The following ADGRB2 variants were observed in gnomAD, a reference collection of about 807,000 sequenced individuals.
ADGRB2 encodes the protein brain-specific angiogenesis inhibitor 2.
ADGRB2 carries 47 observed loss-of-function variants against 178.7 expected under a neutral mutation model. The observed-to-expected ratio is 0.26, with a 90% CI of 0.21 to 0.34. The LOEUF is 0.34. Ranked by LOEUF, ADGRB2 falls within the 10% of genes least tolerant of loss-of-function variation. The pLI is 1.00. For synonymous variants in ADGRB2, 870 were observed against 912.4 expected (o/e 0.95, Z 0.84); for missense variants, 1,584 against 2,180.8 (o/e 0.73, Z 5.45).
intron 27 of ADGRB2, 40 bp downstream of exon 27, chr1:31,732,476 GC>G: frequency 6.2e-7 from 1 of 1,601,496 alleles, no homozygotes; most frequent in African/African-American, 1.3e-5. Context: ...GGTGGGGGGT[GC>G]CCAGAATCTG....
intron 14 of ADGRB2, 24 bp from the exon 15 acceptor site, chr1:31,739,659 G>A: frequency 6.4e-7 from 1 of 1,552,704 alleles, no homozygotes; most frequent in Non-Finnish European, 8.7e-7. Flanking sequence ...AGGGTGGACA[G>A]AGACAGACAG....
Position 31,733,451 on chromosome 1 carries a change from CAG to C in ADGRB2, c.3453-310_3453-309del, listed in dbSNP as rs1645402696. On this transcript the variant is annotated intron_variant, in intron 25 of 32. Transcript: ENST00000373658. The surrounding 1 kb of genome is among the most constrained non-coding windows in gnomAD (Gnocchi z 4.3). ...ACGGGGAGAGAGAAGAGGAGGCAGA[CAG>C]ATGCACAGAATCACCTGAGGAGCTT... Among the ~76,000 whole-genome samples the C allele has an allele frequency of 6.6e-6, 1 of 152,198 alleles. No individual in the cohort carries two copies.
intron 28 of ADGRB2, 73 bp from the exon 29 acceptor site, chr1:31,731,492 G>A (rs916196520): frequency 6.0e-6 from 9 of 1,503,628 alleles, no homozygotes; most frequent in East Asian, 4.6e-5. Context: ...GCCCAGGCTG[G>A]GGAGGTACCA....
Position 31,727,248 on chromosome 1 carries a change from G to A in ADGRB2, c.*172C>T. On this transcript the variant is annotated 3_prime_UTR_variant, in exon 33 of 33. Coordinates refer to ENST00000373658, the MANE Select transcript of ADGRB2 (RefSeq NM_001364857.2). The surrounding 1 kb of genome is among the most constrained non-coding windows in gnomAD (Gnocchi z 4.4). ...CTCTGAGAAACAAGGAAGGGCCCTG[G>A]GACCCCAGGCCAAGCCATGTCCGGC... is the stretch of plus-strand genomic sequence containing the variant. 4.1e-6 allele frequency: 3 copies of A among 726,000 alleles called. No homozygotes were observed. Among genetic ancestry groups the A allele is most frequent in the South Asian group, 2.5e-5 (1 of 40,566 alleles). The allele number at this position is 726,000 out of a possible 1,614,324, so 45.0% of individuals were successfully genotyped here.
At chr1:31,748,265 T>C (rs537623726) in intron 4 of ADGRB2, among the ~76,000 whole-genome samples, 1 of 152,330 alleles carries the variant, frequency 6.6e-6, no homozygotes, top group African/African-American at 2.4e-5. Context: ...GTTCAGTTTT[T>C]GGATCCCTTT....
rs550339503 is a variant in ADGRB2, at chr1:31,759,725, C to T, written c.-190-2214G>A. 6.6e-6 allele frequency among the ~76,000 whole-genome samples: 1 copy of T among 152,330 alleles called. No homozygotes were observed. The highest frequency in any genetic ancestry group is 1.5e-5 in the Non-Finnish European group (1 of 68,026). ...ACCCAATTCCAAGCTGGGTCACAGA[C>T]AGCCACTGGTTCATTGAAGACCCTC... On this transcript the variant is annotated intron_variant, in intron 1 of 32. Coordinates refer to ENST00000373658, the MANE Select transcript of ADGRB2 (RefSeq NM_001364857.2). This position sits in a 1 kb window ranked among gnomAD's most constrained non-coding sequence, Gnocchi z 4.3.
chr1:31,738,591 T>C lies in ADGRB2; in HGVS notation c.2641A>G (p.Arg881Gly). 6.2e-7 allele frequency: 1 copy of C among 1,609,840 alleles called. No individual in the cohort carries two copies. The highest frequency in any genetic ancestry group is 8.5e-7 in the Non-Finnish European group (1 of 1,178,008). Residue 881 changes from arginine (R) to glycine (G), a missense_variant, in exon 17 of 33, where the codon AGA becomes GGA. Transcript: ENST00000373658. ...DPHCASWDYS[R>G]ADASSGDWDT... is the part of the protein sequence containing the mutation. ...CAGAGGAGCCACCCAACTCACGCTC[T>C]GGAGTAGTCCCAGCTGGCGCAATGG...
At position 31,741,405 on chromosome 1, in the gene ADGRB2, T is replaced by A; in HGVS notation, c.1762A>T (p.Ile588Phe). Residue 588 changes from isoleucine to phenylalanine, a missense_variant, in exon 11 of 33, where the codon ATC (isoleucine) becomes TTC (phenylalanine). Physicochemically the swap from Ile to Phe is conservative, Grantham distance 21. Coordinates refer to ENST00000373658, the MANE Select transcript of ADGRB2 (RefSeq NM_001364857.2). This position sits in a 1 kb window ranked among gnomAD's most constrained non-coding sequence, Gnocchi z 6.5. ...TACAGGTAGCGGTACTCATGGGAGA[T>A]GCAGCGAGCAAAGCTGGGCAGCCCC... ...YWGLPSFARCISHEYRYLYLS... is the reference protein window; with the variant it reads ...YWGLPSFARCFSHEYRYLYLS... 6.2e-7 allele frequency: 1 copy of A among 1,606,978 alleles called. No homozygotes were observed. Among genetic ancestry groups the A allele is most frequent in the Non-Finnish European group, 8.5e-7 (1 of 1,177,060 alleles).
rs750560986 is a variant in ADGRB2 at position 31,739,947 on chromosome 1, G to A, written c.2146C>T (p.Leu716=). The A allele has an allele frequency of 1.2e-6, 2 of 1,614,110 alleles. No individual in the cohort carries two copies. Among genetic ancestry groups the A allele is most frequent in the Non-Finnish European group, 1.7e-6 (2 of 1,179,984 alleles). Residue 716 remains leucine, a synonymous_variant, in exon 14 of 33, where the codon CTG becomes TTG. Coordinates refer to ENST00000373658, the MANE Select transcript of ADGRB2 (RefSeq NM_001364857.2). The part of the protein sequence containing the change: ...GDALKAFQSS[L]IVTDNLVISI... ...CTACCTAGATTATCTGTGACAATCAGAGAGCTCTGGAAGGCCTTGAGAGCA... is the reference window on the plus strand; with the variant it reads ...CTACCTAGATTATCTGTGACAATCAAAGAGCTCTGGAAGGCCTTGAGAGCA...
In ADGRB2 at chr1:31,755,707, C is replaced by T. The variant is rs1389728625; in HGVS notation, c.838+292G>A. Among the ~76,000 whole-genome samples the T allele has an allele frequency of 6.6e-6, 1 of 151,898 alleles. No individual in the cohort carries two copies. The highest frequency in any genetic ancestry group is 1.9e-4 in the East Asian group (1 of 5,130). On this transcript the variant is annotated intron_variant, in intron 4 of 32. Coordinates refer to ENST00000373658, the MANE Select transcript of ADGRB2 (RefSeq NM_001364857.2). This position sits in a 1 kb window ranked among gnomAD's most constrained non-coding sequence, Gnocchi z 5.1. The stretch of plus-strand genomic sequence containing the variant: ...CCTTCAGGTCTCTGTTCCTGTATTA[C>T]TTCCTTCAGGGAGCCTCCCCTGGCT...
Position 31,741,399 on chromosome 1 carries a change from G to C in ADGRB2, c.1768C>G (p.His590Asp). ...GLPSFARCIS[H>D]EYRYLYLSLR... ...GACAGATACAGGTAGCGGTACTCAT[G>C]GGAGATGCAGCGAGCAAAGCTGGGC... The change falls in exon 11 of 33, where the codon CAT becomes GAT. Residue 590 changes from histidine to aspartate, a missense_variant. This residue lies in a region of ADGRB2 where 657 missense variants were observed against 847.6 expected (regional missense o/e 0.78). Transcript: ENST00000373658. The surrounding 1 kb of genome is among the most constrained non-coding windows in gnomAD (Gnocchi z 6.5). 1 of 1,606,466 alleles carries C rather than the reference G, an allele frequency of 6.2e-7. No individual in the cohort carries two copies. The highest frequency in any genetic ancestry group is 8.5e-7 in the Non-Finnish European group (1 of 1,176,772).
intron 1 of ADGRB2, among the ~76,000 whole-genome samples, chr1:31,760,129 G>A (rs1646996542): frequency 6.6e-6 from 1 of 152,134 alleles, no homozygotes; most frequent in Non-Finnish European, 1.5e-5. Context: ...CCAAACCCAG[G>A]AAGACCACAG....
In ADGRB2 at chr1:31,727,411, G is replaced by A. The variant is rs1284826479; in HGVS notation, c.*9C>T. The A allele has an allele frequency of 6.3e-7, 1 of 1,583,690 alleles. No individual in the cohort carries two copies. The highest frequency in any genetic ancestry group is 8.5e-7 in the Non-Finnish European group (1 of 1,171,202). ...ATATTTATATGCAGTGGGCAGTCCA[G>A]CGTGGCACTCACACCTCTGTCTGGA... On this transcript the variant is annotated 3_prime_UTR_variant, in exon 33 of 33. Coordinates refer to ENST00000373658, the MANE Select transcript of ADGRB2 (RefSeq NM_001364857.2). This position sits in a 1 kb window ranked among gnomAD's most constrained non-coding sequence, Gnocchi z 4.4.
intron 1 of ADGRB2, among the ~76,000 whole-genome samples, chr1:31,762,370 C>G (rs74065922): frequency 0.07 from 10,647 of 152,156 alleles, 1,173 homozygotes; most frequent in African/African-American, 0.23. Flanking sequence ...GGTGCTTGCT[C>G]TGTCCCAGGG....
chr1:31,730,611 C>G (rs374419925), intron 29 of ADGRB2, among the ~76,000 whole-genome samples, 189 bp downstream of exon 29: 66 of 152,304 alleles, frequency 4.3e-4, no homozygotes, highest in African/African-American at 1.6e-3. Flanking sequence ...GTGTGAAGTC[C>G]CAGCCTGTCT....
In ADGRB2 at chr1:31,753,722, C is replaced by T. The variant is rs1251139892; in HGVS notation, c.838+2277G>A. On this transcript the variant is annotated intron_variant, in intron 4 of 32. Transcript: ENST00000373658. The surrounding 1 kb of genome is among the most constrained non-coding windows in gnomAD (Gnocchi z 4.1). ...GCAAAGGTGGTGCTGCCACAAGGCA[C>T]AGACGGTGCCACGGACCCTCAGACA... 6.6e-6 allele frequency among the ~76,000 whole-genome samples: 1 copy of T among 152,268 alleles called. No individual in the cohort carries two copies. The highest frequency in any genetic ancestry group is 1.5e-5 in the Non-Finnish European group (1 of 68,048).
At chr1:31,738,973 G>C (rs543016986) in intron 15 of ADGRB2, 36 bp from the exon 16 acceptor site, 4 of 1,545,774 alleles carry the variant, frequency 2.6e-6, no homozygotes, top group Non-Finnish European at 3.5e-6. Flanking sequence ...TCCTGCCAGC[G>C]GGTGCCAGCC....
intron 15 of ADGRB2, 174 bp from the exon 16 acceptor site, chr1:31,739,111 C>T (rs1645793424): frequency 1.3e-5 from 11 of 836,496 alleles, no homozygotes; most frequent in South Asian, 3.7e-5. Flanking sequence ...GTCCCTCACC[C>T]GCTGGGTGGC....
Position 31,735,883 on chromosome 1 carries a change from A to G in ADGRB2, c.3211T>C (p.Ser1071Pro). ...GYGTSSYCWLSLEGGLLYAFV... is the reference protein window; with the variant it reads ...GYGTSSYCWLPLEGGLLYAFV... ...GCGTAGAGCAGGCCGCCCTCCAGGG[A>G]GAGCCAGCAGCTGGGGTGGGGGAGA... The change falls in exon 23 of 33, where the codon TCC becomes CCC. Residue 1071 changes from serine to proline, a missense_variant. Around this residue, in one of 3 missense-constraint regions of ADGRB2, gnomAD observed 865 missense variants for 1,192.8 expected, o/e 0.73. Coordinates refer to ENST00000373658, the MANE Select transcript of ADGRB2 (RefSeq NM_001364857.2). The surrounding 1 kb of genome is among the most constrained non-coding windows in gnomAD (Gnocchi z 6.0). The G allele has an allele frequency of 6.3e-7, 1 of 1,597,732 alleles. No homozygotes were observed. The highest frequency in any genetic ancestry group is 8.5e-7 in the Non-Finnish European group (1 of 1,172,074).
Sources: gnomAD v4.1 joint callset for allele counts (sites outside exome capture counted in the v4.1 genomes callset) on GRCh38, gnomAD v4.1.1 for gene constraint, gnomAD v4.1.1 regional missense constraint, Gnocchi (gnomAD v3.1) non-coding constraint, MANE v1.5 for transcripts, NCBI Gene and HGNC (gene_info 2026-07-23, HGNC 2026-07-21) for gene names.